Variants in CDH12 observed in about 807,000 individuals in gnomAD.
CDH12 encodes the protein cadherin-12.
In CDH12, 41 loss-of-function variants were observed where a neutral mutation model predicts 74.1. The ratio of observed to expected loss-of-function variants is 0.55; its 90% CI spans 0.43 to 0.72. CDH12 has a LOEUF of 0.72. Among genes scored for constraint, CDH12 ranks in the 30% least tolerant of loss-of-function variants. The probability of loss-of-function intolerance (pLI) is 0.00; values close to 1 mark genes in which losing one functional copy is unlikely to be tolerated. For missense variants in CDH12, 945 were observed against 977.2 expected (o/e 0.97, Z 0.44); for synonymous variants, 399 against 355.0 (o/e 1.12, Z -1.39).
intron 2 of CDH12, among the ~76,000 whole-genome samples, chr5:22,423,721 TGGCCG>T (rs748757639): frequency 9.9e-5 from 15 of 152,054 alleles, no homozygotes; most frequent in Non-Finnish European, 2.1e-4. Flanking sequence ...AAGGGATGAC[TGGCCG>T]GGCGCAGCGG....
rs534168783 is a variant in CDH12 at position 22,652,536 on chromosome 5, G to A, written c.-522-147172C>T. ...TTAAATGTCCTTTAGTTATTTCCTT[G>A]TTTACTATTTTCCATAATTTCATTT... On this transcript the variant is annotated intron_variant, in intron 1 of 14. Coordinates refer to ENST00000382254, the MANE Select transcript of CDH12 (RefSeq NM_004061.5). Among the ~76,000 whole-genome samples, 4 of 152,100 alleles carry A rather than the reference G, an allele frequency of 2.6e-5. No homozygotes were observed. The East Asian group carries it at 5.8e-4, about 22-fold the overall frequency.
chr5:22,500,847 T>G (rs1747301191), intron 2 of CDH12, among the ~76,000 whole-genome samples: 1 of 152,116 alleles, frequency 6.6e-6, no homozygotes. Context: ...TACACAGACA[T>G]CTGCAAACTA....
At chr5:22,003,342 A>G (rs1736718148) in intron 5 of CDH12, among the ~76,000 whole-genome samples, 1 of 152,328 alleles carries the variant, frequency 6.6e-6, no homozygotes, top group African/African-American at 2.4e-5. Context: ...TTGCCTTGCT[A>G]TTCCGTTATC....
At chr5:22,572,975 T>C (rs938495095) in intron 1 of CDH12, among the ~76,000 whole-genome samples, 9 of 152,182 alleles carry the variant, frequency 5.9e-5, no homozygotes, top group African/African-American at 2.2e-4. Context: ...GAAACTGAAA[T>C]GCTTTGTATT....
At chr5:22,602,072 A>T (rs765312403) in intron 1 of CDH12, among the ~76,000 whole-genome samples, 1 of 152,138 alleles carries the variant, frequency 6.6e-6, no homozygotes. Context: ...TGGTCATTTA[A>T]AATAATTATT....
At chr5:22,796,407 G>T (rs911376392) in intron 1 of CDH12, among the ~76,000 whole-genome samples, 1 of 151,000 alleles carries the variant, frequency 6.6e-6, no homozygotes, top group Non-Finnish European at 1.5e-5. Context: ...TTTTATTGTG[G>T]TTTTGATTTG....
intron 2 of CDH12, among the ~76,000 whole-genome samples, chr5:22,420,224 C>T (rs780790976): frequency 1.3e-5 from 2 of 152,018 alleles, no homozygotes; most frequent in South Asian, 2.1e-4. Context: ...TTGCTTTTGA[C>T]GTTTTCTTCA....
At chr5:22,342,713 CCT>C (rs1473975773) in intron 3 of CDH12, among the ~76,000 whole-genome samples, 1 of 136,132 alleles carries the variant, frequency 7.3e-6, no homozygotes, top group African/African-American at 2.8e-5. Context: ...TCTTTCCTTC[CCT>C]CTTTCTCTCT....
intron 6 of CDH12, among the ~76,000 whole-genome samples, chr5:21,904,430 A>G: frequency 6.6e-6 from 1 of 152,174 alleles, no homozygotes; most frequent in East Asian, 1.9e-4. Flanking sequence ...TAATCAAACC[A>G]GACTGAAGCT....
chr5:22,714,833 T>C (rs1206292207), intron 1 of CDH12, among the ~76,000 whole-genome samples: 1 of 152,198 alleles, frequency 6.6e-6, no homozygotes, highest in Non-Finnish European at 1.5e-5. Flanking sequence ...AAAATTGAAT[T>C]CTGGGGCTTA....
chr5:22,295,150 C>A (rs1218227484), intron 3 of CDH12, among the ~76,000 whole-genome samples: 1 of 152,126 alleles, frequency 6.6e-6, no homozygotes, highest in Non-Finnish European at 1.5e-5. Flanking sequence ...ACTGCCTCTT[C>A]CCTATTGCAA....
chr5:22,567,849 T>C (rs1739363393), intron 1 of CDH12, among the ~76,000 whole-genome samples: 1 of 152,202 alleles, frequency 6.6e-6, no homozygotes, highest in Non-Finnish European at 1.5e-5. Flanking sequence ...GACGTACAGA[T>C]AAAACATTTC....
chr5:22,106,826 T>A (rs1466141258), intron 4 of CDH12, among the ~76,000 whole-genome samples: 2 of 152,178 alleles, frequency 1.3e-5, no homozygotes, highest in Non-Finnish European at 2.9e-5. Flanking sequence ...CATCCAACAG[T>A]TTTACTAAAT....
intron 11 of CDH12, among the ~76,000 whole-genome samples, chr5:21,777,368 G>C (rs1012684098): frequency 2.0e-5 from 3 of 151,970 alleles, no homozygotes; most frequent in African/African-American, 2.4e-5. Context: ...ATTGAATTTT[G>C]ATATGTAAGC....
chr5:22,534,607 G>A (rs1737744858), intron 1 of CDH12, among the ~76,000 whole-genome samples: 1 of 152,070 alleles, frequency 6.6e-6, no homozygotes, highest in Admixed American at 6.6e-5. Context: ...TTAGACTACT[G>A]ATTACAGAGA....
intron 1 of CDH12, among the ~76,000 whole-genome samples, chr5:22,826,674 C>T (rs1440223046): frequency 6.6e-6 from 1 of 152,108 alleles, no homozygotes; most frequent in Non-Finnish European, 1.5e-5. Context: ...GGAACTGGAG[C>T]AAAGGTAACT....
intron 2 of CDH12, among the ~76,000 whole-genome samples, chr5:22,437,487 A>C (rs926787271): frequency 6.6e-6 from 1 of 151,736 alleles, no homozygotes; most frequent in African/African-American, 2.4e-5. Context: ...TAAAGTGAGA[A>C]TACATTAAAA....
At chr5:21,788,213 C>T (rs1746300733) in intron 10 of CDH12, among the ~76,000 whole-genome samples, 1 of 152,054 alleles carries the variant, frequency 6.6e-6, no homozygotes, top group African/African-American at 2.4e-5. Flanking sequence ...GCCAAGAAAA[C>T]ACATTGAATG....
intron 3 of CDH12, among the ~76,000 whole-genome samples, chr5:22,367,352 G>C (rs138719782): frequency 6.6e-6 from 1 of 152,114 alleles, no homozygotes; most frequent in African/African-American, 2.4e-5. Flanking sequence ...AAGAGAAGCT[G>C]GGTCTTAGTG....
Sources: allele counts gnomAD v4.1 joint callset (sites outside exome capture counted in the v4.1 genomes callset), GRCh38; gene constraint gnomAD v4.1.1; transcripts MANE v1.5; gene names NCBI Gene and HGNC (gene_info 2026-07-23, HGNC 2026-07-21).